The following CADM1 variants were observed in gnomAD, a reference collection of about 807,000 sequenced individuals.
CADM1 encodes cell adhesion molecule 1.
CADM1 carries 15 observed loss-of-function variants against 53.1 expected under a neutral mutation model. The ratio of observed to expected loss-of-function variants is 0.28; its 90% CI spans 0.19 to 0.44. The LOEUF (loss-of-function observed/expected upper bound fraction) is 0.44, where lower values mean the gene tolerates loss of function less well. CADM1 is among the 20% of genes least tolerant of loss of function. The pLI, the probability that CADM1 is intolerant of heterozygous loss-of-function variation, is 1.00. For synonymous variants in CADM1, 281 were observed against 243.0 expected (o/e 1.16, Z -1.45); for missense variants, 434 against 611.3 (o/e 0.71, Z 3.06).
At chr11:115,267,080 G>C (rs1348820370) in intron 1 of CADM1, among the ~76,000 whole-genome samples, 2 of 152,204 alleles carry the variant, frequency 1.3e-5, no homozygotes, top group Non-Finnish European at 1.5e-5. Flanking sequence ...CACTGTTACT[G>C]TCTTTGTCCC....
At chr11:115,336,834 GA>G (rs899852092) in intron 1 of CADM1, among the ~76,000 whole-genome samples, 55 of 151,958 alleles carry the variant, frequency 3.6e-4, no homozygotes, top group African/African-American at 1.0e-3. Flanking sequence ...ATCTCAAGAT[GA>G]AAAAAAATTA....
chr11:115,273,669 T>G (rs538212550), intron 1 of CADM1, among the ~76,000 whole-genome samples: 1 of 152,258 alleles, frequency 6.6e-6, no homozygotes, highest in Non-Finnish European at 1.5e-5. Context: ...GGGGTTTAGA[T>G]TGTCATTTTA....
rs73572104 is a variant in CADM1 at position 115,194,597 on chromosome 11, T to C, written c.1112-3656A>G. On this transcript the variant is annotated intron_variant, in intron 9 of 11. Coordinates refer to ENST00000331581, the MANE Select transcript of CADM1 (RefSeq NM_001301043.2). ...AATTCATGAGATCATCAGCCTCTAC[T>C]GTATTAAGAGGTGAAAAAGCAAGAG... 8.3e-4 allele frequency among the ~76,000 whole-genome samples: 126 copies of C among 152,198 alleles called. 1 individual carries two copies. Among genetic ancestry groups the C allele is most frequent in the African/African-American group, 2.9e-3 (121 of 41,508 alleles).
intron 8 of CADM1, among the ~76,000 whole-genome samples, chr11:115,198,643 G>A (rs142328501): frequency 1.6e-4 from 25 of 152,314 alleles, no homozygotes; most frequent in African/African-American, 5.8e-4. Flanking sequence ...TCAAAGCTGC[G>A]AGCCAGTGAG....
In CADM1 at chr11:115,321,738, C is replaced by A. The variant is rs988223089; in HGVS notation, c.125-81318G>T. The stretch of plus-strand genomic sequence containing the variant: ...CCAAGATTTTCTGACTACATTATTA[C>A]AATGTGTTTGTCTTCCTGGTAATTT... On this transcript the variant is annotated intron_variant, in intron 1 of 11. Coordinates refer to ENST00000331581, the MANE Select transcript of CADM1 (RefSeq NM_001301043.2). Among the ~76,000 whole-genome samples, 7 of 152,276 alleles carry A rather than the reference C, an allele frequency of 4.6e-5. No individual in the cohort carries two copies. In the East Asian group the frequency reaches 1.2e-3, roughly 25 times the overall value.
intron 1 of CADM1, among the ~76,000 whole-genome samples, chr11:115,351,463 G>A (rs1183958668): frequency 1.3e-5 from 2 of 152,148 alleles, no homozygotes; most frequent in East Asian, 1.9e-4. Flanking sequence ...ACAGAATTTG[G>A]TGTCACGATA....
intron 1 of CADM1, among the ~76,000 whole-genome samples, chr11:115,353,400 G>T (rs1945786853): frequency 6.6e-6 from 1 of 152,154 alleles, no homozygotes; most frequent in Non-Finnish European, 1.5e-5. Context: ...CTGTGGAAGT[G>T]AAGTTTTAAT....
chr11:115,394,539 G>A (rs2135192884), intron 1 of CADM1, among the ~76,000 whole-genome samples: 1 of 152,216 alleles, frequency 6.6e-6, no homozygotes, highest in East Asian at 1.9e-4. Context: ...TTTGTTTTAT[G>A]AGATGAAGAA....
chr11:115,422,614 G>C (rs1947784755), intron 1 of CADM1, among the ~76,000 whole-genome samples: 1 of 152,174 alleles, frequency 6.6e-6, no homozygotes, highest in African/African-American at 2.4e-5. Context: ...CATCCTCTTA[G>C]CCATAACCTA....
In CADM1 at chr11:115,177,918, G is replaced by A. The variant is rs1939113848; in HGVS notation, c.1297+726C>T. Among the ~76,000 whole-genome samples, 3 of 152,114 alleles carry A rather than the reference G, an allele frequency of 2.0e-5. No homozygotes were observed. In the South Asian group the frequency reaches 6.2e-4, roughly 32 times the overall value. ...ACCTAGAAAACCCCGCAAGCTCATT[G>A]CACAGTGCTTGAGAAAAATAACTGA... On this transcript the variant is annotated intron_variant, in intron 11 of 11. Coordinates refer to ENST00000331581, the MANE Select transcript of CADM1 (RefSeq NM_001301043.2).
intron 1 of CADM1, among the ~76,000 whole-genome samples, chr11:115,265,322 T>C (rs1408802895): frequency 6.6e-6 from 1 of 152,216 alleles, no homozygotes; most frequent in Admixed American, 6.5e-5. Context: ...GTGTTCATGG[T>C]GGTTTCTCCA....
chr11:115,486,532 A>G (rs989223276), intron 1 of CADM1, among the ~76,000 whole-genome samples: 13 of 151,626 alleles, frequency 8.6e-5, no homozygotes, highest in Admixed American at 4.6e-4. Flanking sequence ...TCTTGTAGAG[A>G]CGGGGTCTCA....
At chr11:115,361,890 TTTTTGTTTTG>T (rs541768138) in intron 1 of CADM1, among the ~76,000 whole-genome samples, 40 of 86,902 alleles carry the variant, frequency 4.6e-4, no homozygotes, top group South Asian at 1.1e-3. Context: ...CACACCCGAG[TTTTTGTTTTG>T]TTTTGTTTTG....
chr11:115,245,529 T>C (rs1408214180), intron 1 of CADM1, among the ~76,000 whole-genome samples: 1 of 152,196 alleles, frequency 6.6e-6, no homozygotes, highest in Non-Finnish European at 1.5e-5. Flanking sequence ...TTCTGTTGGA[T>C]ACTATTTTTA....
Position 115,450,013 on chromosome 11 carries a change from G to T in CADM1, c.124+54258C>A, listed in dbSNP as rs556462603. 2.6e-5 allele frequency among the ~76,000 whole-genome samples: 4 copies of T among 151,512 alleles called. No individual in the cohort carries two copies. In the South Asian group the frequency reaches 6.3e-4, roughly 24 times the overall value. On this transcript the variant is annotated intron_variant, in intron 1 of 11. Transcript: ENST00000331581. ...TCATTCATTCCATTCATTCACTCAT[G>T]GAATAACTCCTCACTCTAAAAACCT...
At chr11:115,208,036 A>AC (rs1940779849) in intron 8 of CADM1, among the ~76,000 whole-genome samples, 1 of 152,236 alleles carries the variant, frequency 6.6e-6, no homozygotes, top group Non-Finnish European at 1.5e-5. Context: ...TATGCTGGTG[A>AC]ATAGTATAGA....
chr11:115,433,174 T>C (rs1022810546), intron 1 of CADM1, among the ~76,000 whole-genome samples: 4 of 152,190 alleles, frequency 2.6e-5, no homozygotes, highest in Admixed American at 1.3e-4. Context: ...CCTCTGCTGA[T>C]TGCTGTACAG....
At chr11:115,385,653 C>T (rs1946682886) in intron 1 of CADM1, among the ~76,000 whole-genome samples, 2 of 150,018 alleles carry the variant, frequency 1.3e-5, no homozygotes, top group East Asian at 1.9e-4. Context: ...AAAAAAAGCC[C>T]GCCACAGGTA....
intron 9 of CADM1, among the ~76,000 whole-genome samples, chr11:115,191,543 G>A (rs1372146826): frequency 1.3e-5 from 2 of 152,116 alleles, no homozygotes; most frequent in African/African-American, 4.8e-5. Flanking sequence ...AACCCTCAAA[G>A]CTGAAAAAGC....
Sources: gnomAD v4.1 joint callset for allele counts (sites outside exome capture counted in the v4.1 genomes callset) on GRCh38, gnomAD v4.1.1 for gene constraint, MANE v1.5 for transcripts, NCBI Gene and HGNC (gene_info 2026-07-23, HGNC 2026-07-21) for gene names.